The following PSKH1 variants were observed in gnomAD, a reference collection of about 807,000 sequenced individuals.
The protein encoded by PSKH1 is serine/threonine-protein kinase H1.
In PSKH1, 12 loss-of-function variants were observed where a neutral mutation model predicts 26.7. The ratio of observed to expected loss-of-function variants is 0.45; its 90% CI spans 0.29 to 0.73. The LOEUF is 0.73. PSKH1 is among the 30% of genes least tolerant of loss of function. The probability of loss-of-function intolerance (pLI) is 0.11; values close to 1 mark genes in which losing one functional copy is unlikely to be tolerated. For synonymous variants in PSKH1, 213 were observed against 234.3 expected, an observed-to-expected ratio of 0.91 and a Z score of 0.83; for missense variants, 431 against 595.2, an observed-to-expected ratio of 0.72 and a Z score of 2.87.
At position 67,909,065 on chromosome 16, in the gene PSKH1, C is replaced by G; in HGVS notation, c.316C>G (p.Arg106Gly). 1 of 1,614,124 alleles carries G rather than the reference C, an allele frequency of 6.2e-7. No individual in the cohort carries two copies. Among genetic ancestry groups the G allele is most frequent in the South Asian group, 1.1e-5 (1 of 91,082 alleles). Reference sequence around the variant, plus strand: ...GTATGACATCAAGGCCCTAATTGGCCGAGGCAGCTTCAGCCGAGTGGTACG... The same window carrying G: ...GTATGACATCAAGGCCCTAATTGGCGGAGGCAGCTTCAGCCGAGTGGTACG... ...AKYDIKALIG[R>G]GSFSRVVRVE... The change falls in exon 2 of 3, where the codon CGA becomes GGA. Residue 106 changes from arginine (R) to glycine (G), a missense_variant. Coordinates refer to ENST00000291041, the MANE Select transcript of PSKH1 (RefSeq NM_006742.3). This position sits in a 1 kb window ranked among gnomAD's most constrained non-coding sequence, Gnocchi z 7.8.
chr16:67,917,773 C>A (rs1481649198), intron 2 of PSKH1, among the ~76,000 whole-genome samples: 1 of 152,268 alleles, frequency 6.6e-6, no homozygotes, highest in South Asian at 2.1e-4. Context: ...TTTAAAGGCC[C>A]AGGGCTGGTG....
intron 1 of PSKH1, among the ~76,000 whole-genome samples, chr16:67,900,993 G>C (rs1306000066): frequency 6.6e-6 from 1 of 152,124 alleles, no homozygotes; most frequent in Non-Finnish European, 1.5e-5. Flanking sequence ...GTGTTATAGA[G>C]TCTGCATTTT....
At chr16:67,910,499 T>C (rs578202901) in intron 2 of PSKH1, among the ~76,000 whole-genome samples, 1 of 152,322 alleles carries the variant, frequency 6.6e-6, no homozygotes, top group South Asian at 2.1e-4. Context: ...TCTGATCTTT[T>C]ATTTTTTGAG....
At chr16:67,908,032 G>T (rs747197974) in intron 1 of PSKH1, among the ~76,000 whole-genome samples, 5 of 152,162 alleles carry the variant, frequency 3.3e-5, no homozygotes, top group Non-Finnish European at 5.9e-5. Flanking sequence ...TGGGCCTTCG[G>T]CTAGGATAAG....
chr16:67,926,757 G>A (rs1041465908), intron 2 of PSKH1, among the ~76,000 whole-genome samples: 5 of 151,946 alleles, frequency 3.3e-5, no homozygotes, highest in Admixed American at 6.6e-5. Context: ...TCCCGGGATC[G>A]CCTGCCCTCA....
rs1161193707 is a variant in PSKH1 at position 67,928,830 on chromosome 16, C to A, written c.*1188C>A. Reference sequence around the variant, plus strand: ...GGGTCCCGGGCTGCTCACCTCTCCCCTTCTGCTGAGCTTCTGCGCACCCCT... The same window carrying A: ...GGGTCCCGGGCTGCTCACCTCTCCCATTCTGCTGAGCTTCTGCGCACCCCT... On this transcript the variant is annotated 3_prime_UTR_variant, in exon 3 of 3. Transcript: ENST00000291041. This position sits in a 1 kb window ranked among gnomAD's most constrained non-coding sequence, Gnocchi z 4.8. 6.6e-6 allele frequency: 1 copy of A among 152,422 alleles called. No individual in the cohort carries two copies. Among genetic ancestry groups the A allele is most frequent in the Non-Finnish European group, 1.5e-5 (1 of 68,124 alleles). The allele number at this position is 152,422 out of a possible 1,614,324, so 9.4% of individuals were successfully genotyped here.
At chr16:67,907,377 C>T (rs1409114339) in intron 1 of PSKH1, among the ~76,000 whole-genome samples, 2 of 152,044 alleles carry the variant, frequency 1.3e-5, no homozygotes, top group Non-Finnish European at 2.9e-5. Context: ...TCTTCTGCCT[C>T]AGCCCCCCAA....
At chr16:67,919,372 A>C (rs1199440122) in intron 2 of PSKH1, among the ~76,000 whole-genome samples, 1 of 152,224 alleles carries the variant, frequency 6.6e-6, no homozygotes, top group Non-Finnish European at 1.5e-5. Flanking sequence ...CAGCACGAGC[A>C]AACACAAATC....
intron 1 of PSKH1, among the ~76,000 whole-genome samples, chr16:67,908,097 T>C (rs1294152996): frequency 6.6e-6 from 1 of 152,120 alleles, no homozygotes; most frequent in African/African-American, 2.4e-5. Context: ...AGGCTATGCG[T>C]GTTCCTGCCC....
chr16:67,915,697 C>T (rs1043387034), intron 2 of PSKH1, among the ~76,000 whole-genome samples: 12 of 152,166 alleles, frequency 7.9e-5, no homozygotes, highest in African/African-American at 1.2e-4. Flanking sequence ...TCCTTCCAGC[C>T]ACTCACTTCA....
intron 2 of PSKH1, among the ~76,000 whole-genome samples, chr16:67,924,706 G>A (rs2058211541): frequency 6.6e-6 from 1 of 152,232 alleles, no homozygotes; most frequent in Admixed American, 6.5e-5. Context: ...GGCTGTTCCA[G>A]CAACAGGCCA....
chr16:67,904,529 A>G (rs2058150667), intron 1 of PSKH1, among the ~76,000 whole-genome samples: 1 of 151,876 alleles, frequency 6.6e-6, no homozygotes, highest in Non-Finnish European at 1.5e-5. Flanking sequence ...TAGTAGAGAC[A>G]GGGTTTCTCC....
Position 67,909,932 on chromosome 16 carries a change from A to G in PSKH1, c.957+226A>G, listed in dbSNP as rs2058168667. On this transcript the variant is annotated intron_variant, in intron 2 of 2. Transcript: ENST00000291041. The surrounding 1 kb of genome is among the most constrained non-coding windows in gnomAD (Gnocchi z 7.8). ...GATAGTTTATTTGGGATGTGATTTG[A>G]GTAACTAAAAGTGAAGGAGTGGGAA... is the stretch of plus-strand genomic sequence containing the variant. The G allele has an allele frequency of 1.7e-6, 1 of 576,334 alleles. No individual in the cohort carries two copies. The highest frequency in any genetic ancestry group is 1.9e-5 in the African/African-American group (1 of 53,762). The allele number at this position is 576,334 out of a possible 1,614,324, so 35.7% of individuals were successfully genotyped here. A position where few individuals can be genotyped will look rare whatever the true frequency, so the allele number is the denominator to read the frequency against.
At chr16:67,910,309 G>A (rs908320692) in intron 2 of PSKH1, among the ~76,000 whole-genome samples, 11 of 152,176 alleles carry the variant, frequency 7.2e-5, no homozygotes, top group Non-Finnish European at 1.6e-4. Flanking sequence ...GATGAGCTCA[G>A]GGGGTGGGCT....
intron 1 of PSKH1, among the ~76,000 whole-genome samples, chr16:67,899,331 ATTTTTTTTT>A (rs555492519): frequency 7.8e-6 from 1 of 128,278 alleles, no homozygotes; most frequent in African/African-American, 3.0e-5. Flanking sequence ...GCCAGACCAC[ATTTTTTTTT>A]TTTTTTTTTT....
Position 67,927,335 on chromosome 16 carries a change from G to C in PSKH1, c.968G>C (p.Ser323Thr). ...GTCCTTGGTCTCTAGCCCTGGCCTA[G>C]TGTGTCCAACCTGGCCAAGGACTTC... Reference protein sequence around the residue: ...KYSYSGEPWPSVSNLAKDFID... With the variant: ...KYSYSGEPWPTVSNLAKDFID... Residue 323 changes from serine (S) to threonine (T), a missense_variant, in exon 3 of 3, where the codon AGT becomes ACT. Coordinates refer to ENST00000291041, the MANE Select transcript of PSKH1 (RefSeq NM_006742.3). The surrounding 1 kb of genome is among the most constrained non-coding windows in gnomAD (Gnocchi z 5.5). The C allele has an allele frequency of 6.2e-7, 1 of 1,610,606 alleles. No homozygotes were observed. The highest frequency in any genetic ancestry group is 8.5e-7 in the Non-Finnish European group (1 of 1,177,408).
At chr16:67,915,453 G>T (rs2058185336) in intron 2 of PSKH1, among the ~76,000 whole-genome samples, 1 of 152,050 alleles carries the variant, frequency 6.6e-6, no homozygotes, top group South Asian at 2.1e-4. Context: ...TGGGGGAGGG[G>T]TCCTTATCAT....
Position 67,929,258 on chromosome 16 carries a change from T to G in PSKH1, c.*1616T>G, listed in dbSNP as rs1444255214. The G allele has an allele frequency of 1.3e-5, 2 of 152,464 alleles. No individual in the cohort carries two copies. The highest frequency in any genetic ancestry group is 4.8e-5 in the African/African-American group (2 of 41,466). The allele number at this position is 152,464 out of a possible 1,614,324, so 9.4% of individuals were successfully genotyped here. ...ACTCAGCTTCTGCCGGTCGGCAGCC[T>G]GGGCCAGGCCCTTTTCCTGCATGTG... On this transcript the variant is annotated 3_prime_UTR_variant, in exon 3 of 3. Transcript: ENST00000291041.
chr16:67,919,865 C>T (rs1304136393), intron 2 of PSKH1, among the ~76,000 whole-genome samples: 1 of 152,224 alleles, frequency 6.6e-6, no homozygotes, highest in Non-Finnish European at 1.5e-5. Context: ...GCCCTGTCCT[C>T]TAGGTTTCCC....
Sources: allele counts gnomAD v4.1 joint callset (sites outside exome capture counted in the v4.1 genomes callset), GRCh38; gene constraint gnomAD v4.1.1; non-coding constraint Gnocchi (gnomAD v3.1); transcripts MANE v1.5; gene names NCBI Gene and HGNC (gene_info 2026-07-23, HGNC 2026-07-21).